LRRC23: variants seen among roughly 807,000 people sequenced by gnomAD.
The protein encoded by LRRC23 is leucine rich repeat containing 23, also known as leucine-rich repeat-containing protein 23.
A neutral mutation model predicts 37.7 loss-of-function variants in LRRC23; 28 were observed. The observed-to-expected ratio is 0.74, with a 90% CI of 0.55 to 1.02. LRRC23 has a LOEUF of 1.02. LRRC23 is among the 50% of genes least tolerant of loss of function. The pLI is 0.00. For missense variants in LRRC23, 377 were observed against 413.2 expected (o/e 0.91, Z 0.76); for synonymous variants, 161 against 165.4 (o/e 0.97, Z 0.20).
At chr12:6,912,266 C>A (rs1945177993) in intron 6 of LRRC23, among the ~76,000 whole-genome samples, 1 of 152,138 alleles carries the variant, frequency 6.6e-6, no homozygotes, top group South Asian at 2.1e-4. Context: ...CCCTCCTCCT[C>A]AGCTAAGTAG....
Position 6,912,879 on chromosome 12 carries a change from AC to A in LRRC23, c.909del (p.Asp303GlufsTer15), listed in dbSNP as rs782802653. On this transcript the variant is annotated frameshift_variant, in exon 7 of 8. Transcript: ENST00000443597. LOFTEE classifies it high-confidence loss of function. ...LVQMPYLERL[D>X]KEFYEEEERA... ...CAGATGCCATACCTTGAACGCCTGG[AC>A]AAGGAATTCTATGAGGAGGAGGAAC... The A allele has an allele frequency of 2.2e-5, 35 of 1,614,174 alleles. No individual in the cohort carries two copies. Among genetic ancestry groups the A allele is most frequent in the Admixed American group, 3.3e-5 (2 of 60,016 alleles).
intron 5 of LRRC23, among the ~76,000 whole-genome samples, chr12:6,909,519 C>T (rs1945106511): frequency 9.3e-6 from 1 of 107,854 alleles, no homozygotes; most frequent in Non-Finnish European, 1.7e-5. Context: ...ATAATAACTC[C>T]ACAGGAAGCC....
rs1048845284 is a variant in LRRC23 at position 6,912,810 on chromosome 12, A to C, written c.839A>C (p.Asn280Thr). 3.7e-6 allele frequency: 6 copies of C among 1,613,956 alleles called. No homozygotes were observed. In the African/African-American group the frequency reaches 8.0e-5, roughly 22 times the overall value. The change falls in exon 7 of 8, where the codon AAC becomes ACC. Residue 280 changes from asparagine (N) to threonine (T), a missense_variant. Around this residue, in one of 3 missense-constraint regions of LRRC23, gnomAD observed 266 missense variants for 285.6 expected, o/e 0.93. Transcript: ENST00000443597. ...CTGCGAGCGTTGGTGCTGCTTGATA[A>C]CCCATGCACGGACGAAACCAGCTAC... is the stretch of plus-strand genomic sequence containing the variant. ...PKLRALVLLD[N>T]PCTDETSYRQ...
chr12:6,910,136 C>G (rs1555140542), intron 6 of LRRC23, 110 bp downstream of exon 6: 2 of 1,102,620 alleles, frequency 1.8e-6, no homozygotes, highest in Non-Finnish European at 2.6e-6. Flanking sequence ...CAGCTGGATT[C>G]TCAAGGAAAG....
Position 6,905,958 on chromosome 12 carries a change from C to G in LRRC23, c.236+4C>G. 2 of 1,612,050 alleles carry G rather than the reference C, an allele frequency of 1.2e-6. No individual in the cohort carries two copies. Among genetic ancestry groups the G allele is most frequent in the Non-Finnish European group, 1.7e-6 (2 of 1,178,526 alleles). The stretch of plus-strand genomic sequence containing the variant: ...TCAAGCTGGAGGTTAAAGAGAGGTG[C>G]GTTTTGGGGGGACCAGATGAGGACT... On this transcript the variant is annotated splice_donor_region_variant and intron_variant, in intron 3 of 7. Coordinates refer to ENST00000443597, the MANE Select transcript of LRRC23 (RefSeq NM_001135217.2).
At position 6,909,446 on chromosome 12, in the gene LRRC23, T is replaced by C. The variant is rs1945098524; in HGVS notation, c.622-444T>C. Among the ~76,000 whole-genome samples, 2 of 87,304 alleles carry C rather than the reference T, an allele frequency of 2.3e-5. 1 individual carries two copies. Among genetic ancestry groups the C allele is most frequent in the African/African-American group, 1.1e-4 (2 of 18,590 alleles). The allele number at this position is 87,304 out of a possible 152,430, so 57.3% of individuals were successfully genotyped here. On this transcript the variant is annotated intron_variant, in intron 5 of 7. Transcript: ENST00000443597. ...AATATATAAATATTATATATAATAGTATATAATATATAATATATAATATAT... is the reference window on the plus strand; with the variant it reads ...AATATATAAATATTATATATAATAGCATATAATATATAATATATAATATAT...
chr12:6,907,498 T>G lies in LRRC23; in HGVS notation c.621+53T>G, dbSNP rs782118367. 1.1e-5 allele frequency: 18 copies of G among 1,585,402 alleles called. No homozygotes were observed. In the Admixed American group the frequency reaches 2.2e-4, roughly 19 times the overall value. On this transcript the variant is annotated intron_variant, in intron 5 of 7. Transcript: ENST00000443597. ...AGGGAAGAGGGCACTGTCCTGGGGG[T>G]CAGGATGCCTGCTTTCTAGTAGGCT...
In LRRC23 at chr12:6,905,541, A is replaced by C; in HGVS notation, c.-49-44A>C. 1.7e-5 allele frequency: 22 copies of C among 1,304,640 alleles called. No homozygotes were observed. In the South Asian group the frequency reaches 2.3e-4, roughly 14 times the overall value. 80.8% of individuals were successfully genotyped at this position (1,304,640 alleles called of 1,614,324 possible). ...GAGTGGCACGTGTCAATGACGATGA[A>C]GGAGCTGAAGGCTGGCAGAAGCTGA... On this transcript the variant is annotated intron_variant, in intron 1 of 7. Transcript: ENST00000443597.
chr12:6,912,657 G>C, intron 6 of LRRC23, 73 bp from the exon 7 acceptor site: 1 of 1,358,942 alleles, frequency 7.4e-7, no homozygotes, highest in Non-Finnish European at 1.0e-6. Context: ...GAGTCCCCCA[G>C]AGGCCCCATT....
chr12:6,907,692 A>T, intron 5 of LRRC23: 1 of 600,672 alleles, frequency 1.7e-6, no homozygotes. Context: ...ATGGACCATA[A>T]TTGAGGTACA....
rs781867146 is a variant in LRRC23 at position 6,905,864 on chromosome 12, C to T, written c.146C>T (p.Thr49Met). Residue 49 changes from threonine to methionine, a missense_variant, in exon 3 of 8, where the codon ACG (threonine) becomes ATG (methionine). Thr to Met is a moderately conservative substitution (Grantham distance 81, BLOSUM62 -1). Transcript: ENST00000443597. The part of the protein sequence containing the change: ...FPEEWLPTPL[T>M]EDMMKEGLSL... The stretch of plus-strand genomic sequence containing the variant: ...CTGCAGTGGCTGCCCACCCCCCTCA[C>T]GGAGGACATGATGAAGGAAGGGCTT... The T allele has an allele frequency of 7.4e-6, 12 of 1,613,800 alleles. No homozygotes were observed. In the Admixed American group the frequency reaches 1.2e-4, roughly 16 times the overall value.
intron 1 of LRRC23, 126 bp from the exon 2 acceptor site, chr12:6,905,459 C>T: frequency 1.6e-6 from 1 of 607,102 alleles, no homozygotes; most frequent in African/African-American, 1.9e-5. Flanking sequence ...ATGAGATGTT[C>T]ACAGGGATAA....
chr12:6,911,039 A>G (rs781828483), intron 6 of LRRC23, among the ~76,000 whole-genome samples: 2 of 152,108 alleles, frequency 1.3e-5, no homozygotes, highest in South Asian at 4.1e-4. Flanking sequence ...CTCGGTCCCA[A>G]TTCACCTTCC....
Position 6,913,871 on chromosome 12 carries a change from C to T in LRRC23, c.*25-20C>T. On this transcript the variant is annotated intron_variant, in intron 7 of 7. Coordinates refer to ENST00000443597, the MANE Select transcript of LRRC23 (RefSeq NM_001135217.2). Reference sequence around the variant, plus strand: ...AGCCACAGCGCCTGGTCCCTATTTACTTCTGTCTTCTACCTCCAGGAGATC... The same window carrying T: ...AGCCACAGCGCCTGGTCCCTATTTATTTCTGTCTTCTACCTCCAGGAGATC... 6.5e-7 allele frequency: 1 copy of T among 1,548,012 alleles called. No homozygotes were observed. The highest frequency in any genetic ancestry group is 8.7e-7 in the Non-Finnish European group (1 of 1,148,412).
At position 6,906,402 on chromosome 12, in the gene LRRC23, CT is replaced by C. The variant is rs782800045; in HGVS notation, c.237-6del. The stretch of plus-strand genomic sequence containing the variant: ...ACCTGGTTTCTTCTCCCTCTTCCAT[CT>C]CCTAGGGACCTGACAGACATCTACT... On this transcript the variant is annotated splice_polypyrimidine_tract_variant and splice_region_variant and intron_variant, in intron 3 of 7. Coordinates refer to ENST00000443597, the MANE Select transcript of LRRC23 (RefSeq NM_001135217.2). The C allele has an allele frequency of 6.5e-5, 105 of 1,612,396 alleles. No homozygotes were observed. Among genetic ancestry groups the C allele is most frequent in the Middle Eastern group, 1.6e-4 (1 of 6,082 alleles).
At chr12:6,907,883 T>A in intron 5 of LRRC23, 1 of 293,694 alleles carries the variant, frequency 3.4e-6, no homozygotes. Context: ...CGATTCACTG[T>A]CTACCTGGGG....
At chr12:6,909,552 A>T (rs782625875) in intron 5 of LRRC23, among the ~76,000 whole-genome samples, 5 of 125,530 alleles carry the variant, frequency 4.0e-5, no homozygotes, top group Non-Finnish European at 7.7e-5. Flanking sequence ...AGTCTTTTAG[A>T]CTCTTAAGCT....
chr12:6,905,543 G>A lies in LRRC23; in HGVS notation c.-49-42G>A, dbSNP rs1354131518. ...GTGGCACGTGTCAATGACGATGAAG[G>A]AGCTGAAGGCTGGCAGAAGCTGATG... On this transcript the variant is annotated intron_variant, in intron 1 of 7. Coordinates refer to ENST00000443597, the MANE Select transcript of LRRC23 (RefSeq NM_001135217.2). 1.3e-5 allele frequency: 17 copies of A among 1,326,414 alleles called. No individual in the cohort carries two copies. The East Asian group carries it at 4.0e-4, about 31-fold the overall frequency. 82.2% of individuals were successfully genotyped at this position (1,326,414 alleles called of 1,614,324 possible).
Position 6,910,039 on chromosome 12 carries a change from T to C in LRRC23, c.758+13T>C. On this transcript the variant is annotated intron_variant, in intron 6 of 7. Coordinates refer to ENST00000443597, the MANE Select transcript of LRRC23 (RefSeq NM_001135217.2). ...ACCTCAACCTGAGGTATGCACCCTC[T>C]CCAAGCCCCACCTTGCCCCTACCCC... 6 of 1,599,288 alleles carry C rather than the reference T, an allele frequency of 3.8e-6. No individual in the cohort carries two copies. Among genetic ancestry groups the C allele is most frequent in the Non-Finnish European group, 5.1e-6 (6 of 1,172,756 alleles).
Sources: allele counts gnomAD v4.1 joint callset (sites outside exome capture counted in the v4.1 genomes callset), GRCh38; gene constraint gnomAD v4.1.1; regional missense constraint gnomAD v4.1.1; transcripts MANE v1.5; gene names NCBI Gene and HGNC (gene_info 2026-07-23, HGNC 2026-07-21).